Variants in ZNF577 observed in about 807,000 individuals in gnomAD.
ZNF577 encodes zinc finger protein 577.
A neutral mutation model predicts 13.9 loss-of-function variants in ZNF577; 14 were observed. That is an observed-to-expected ratio of 1.00 (90% CI 0.66 to 1.57). The LOEUF is 1.57. Ranked by LOEUF, ZNF577 falls within the 40% of genes most tolerant of loss-of-function variation. The pLI, the probability that ZNF577 is intolerant of heterozygous loss-of-function variation, is 0.00. For missense variants in ZNF577, 555 were observed against 579.2 expected, an observed-to-expected ratio of 0.96 and a Z score of 0.43; for synonymous variants, 203 against 202.9, an observed-to-expected ratio of 1.00 and a Z score of 0.00.
intron 3 of ZNF577, 182 bp from the exon 4 acceptor site, chr19:51,878,697 T>A: frequency 1.8e-6 from 1 of 567,980 alleles, no homozygotes; most frequent in Admixed American, 3.1e-5. Context: ...AAGGCAGTAC[T>A]AGCATAGATA....
chr19:51,877,477 T>C, intron 4 of ZNF577, 100 bp from the exon 5 acceptor site: 1 of 960,898 alleles, frequency 1.0e-6, no homozygotes, highest in Non-Finnish European at 1.6e-6. Context: ...TGCACTTTGA[T>C]AAAGCAAAAC....
chr19:51,806,541 G>A (rs994049121), intron 10 of ZNF577, among the ~76,000 whole-genome samples: 1 of 151,992 alleles, frequency 6.6e-6, no homozygotes, highest in Non-Finnish European at 1.5e-5. Flanking sequence ...CCCCCTTTTT[G>A]TCTTTTCAAC....
chr19:51,827,639 T>C (rs2084238864), intron 9 of ZNF577, among the ~76,000 whole-genome samples: 1 of 152,216 alleles, frequency 6.6e-6, no homozygotes, highest in African/African-American at 2.4e-5. Context: ...TCCACAGTAT[T>C]TGTAAATTCC....
At chr19:51,836,961 T>C (rs10404279) in intron 9 of ZNF577, among the ~76,000 whole-genome samples, 57,857 of 150,216 alleles carry the variant, frequency 0.39, 11,370 homozygotes, top group South Asian at 0.48. Flanking sequence ...GGAGAACTGC[T>C]TGAACCCAGG....
intron 5 of ZNF577, among the ~76,000 whole-genome samples, chr19:51,858,979 C>CTA (rs2084468237): frequency 2.0e-5 from 3 of 152,220 alleles, no homozygotes; most frequent in Admixed American, 2.0e-4. Context: ...CCCATACATA[C>CTA]TACGCAGATA....
intron 5 of ZNF577, among the ~76,000 whole-genome samples, chr19:51,849,874 T>C (rs1037849701): frequency 6.6e-6 from 1 of 152,236 alleles, no homozygotes; most frequent in Non-Finnish European, 1.5e-5. Flanking sequence ...TGGAATACTA[T>C]TCGTCAACAA....
chr19:51,824,774 T>C lies in ZNF577; in HGVS notation c.*600-13100A>G. 1 of 1,613,732 alleles carries C rather than the reference T, an allele frequency of 6.2e-7. No individual in the cohort carries two copies. Among genetic ancestry groups the C allele is most frequent in the East Asian group, 2.2e-5 (1 of 44,804 alleles). On this transcript the variant is annotated intron_variant and NMD_transcript_variant, in intron 9 of 10. Coordinates refer to the ZNF577 transcript ENST00000638827. This position sits in a 1 kb window ranked among gnomAD's most constrained non-coding sequence, Gnocchi z 4.7. ...CCAGCAACACAGACACCACTTCTGC[T>C]TCACCTCCTGAGGAGACGGAGTTAC...
chr19:51,883,266 C>T (rs1162520476), intron 1 of ZNF577, among the ~76,000 whole-genome samples: 1 of 151,970 alleles, frequency 6.6e-6, no homozygotes, highest in East Asian at 1.9e-4. Context: ...GCTGGGATTA[C>T]AGGTGTGAGC....
intron 9 of ZNF577, among the ~76,000 whole-genome samples, chr19:51,829,215 G>A (rs1370142364): frequency 6.6e-6 from 1 of 152,118 alleles, no homozygotes; most frequent in Non-Finnish European, 1.5e-5. Context: ...CTAGGGGACT[G>A]GGCAGCTCAC....
chr19:51,821,400 G>C (rs2084188121), intron 9 of ZNF577, among the ~76,000 whole-genome samples: 2 of 152,148 alleles, frequency 1.3e-5, no homozygotes, highest in African/African-American at 2.4e-5. Context: ...TCCTGAAGGG[G>C]GAGTTGCTAC....
chr19:51,876,438 A>C (rs1010112098), intron 5 of ZNF577, among the ~76,000 whole-genome samples: 1 of 151,724 alleles, frequency 6.6e-6, no homozygotes, highest in Non-Finnish European at 1.5e-5. Context: ...TTCTACCAGG[A>C]GAATCAGCAG....
At chr19:51,823,664 C>A in intron 9 of ZNF577, 4 of 1,128,250 alleles carry the variant, frequency 3.5e-6, no homozygotes, top group Non-Finnish European at 5.0e-6. Flanking sequence ...GGAGGAGCTA[C>A]AGTGGAAGTT....
intron 6 of ZNF577, among the ~76,000 whole-genome samples, chr19:51,844,035 T>C (rs916253155): frequency 8.1e-5 from 12 of 148,630 alleles, no homozygotes; most frequent in Non-Finnish European, 1.5e-4. Flanking sequence ...CTTAAGATAC[T>C]CGATAGCCAC....
chr19:51,857,983 C>G (rs2084455777), intron 5 of ZNF577, among the ~76,000 whole-genome samples: 2 of 151,992 alleles, frequency 1.3e-5, no homozygotes, highest in African/African-American at 4.8e-5. Context: ...GTCTGGCCTG[C>G]TTTTAGTCTT....
At position 51,824,231 on chromosome 19, in the gene ZNF577, C is replaced by T. The variant is rs755235128; in HGVS notation, c.*600-12557G>A. The T allele has an allele frequency of 2.1e-5, 34 of 1,614,044 alleles. No homozygotes were observed. Among genetic ancestry groups the T allele is most frequent in the Non-Finnish European group, 2.7e-5 (32 of 1,180,016 alleles). On this transcript the variant is annotated intron_variant and NMD_transcript_variant, in intron 9 of 10. Transcript: ENST00000638827. The surrounding 1 kb of genome is among the most constrained non-coding windows in gnomAD (Gnocchi z 4.7). ...CCATAGTCCTTACCTTACCAAATTTCATCTTCTGGACTACAATAAGTACTA... is the reference window on the plus strand; with the variant it reads ...CCATAGTCCTTACCTTACCAAATTTTATCTTCTGGACTACAATAAGTACTA...
chr19:51,847,780 T>C (rs2084360429), intron 5 of ZNF577, among the ~76,000 whole-genome samples: 1 of 152,192 alleles, frequency 6.6e-6, no homozygotes, highest in Non-Finnish European at 1.5e-5. Context: ...CTAAGGGCTT[T>C]AGGCAGAGTC....
At chr19:51,814,644 C>A (rs2084121315) in intron 9 of ZNF577, among the ~76,000 whole-genome samples, 1 of 151,998 alleles carries the variant, frequency 6.6e-6, no homozygotes, top group Non-Finnish European at 1.5e-5. Flanking sequence ...CAGGCATGTG[C>A]CATTCTGCTG....
chr19:51,837,816 C>T (rs1433698442), intron 9 of ZNF577, among the ~76,000 whole-genome samples: 15 of 152,156 alleles, frequency 9.9e-5, no homozygotes, highest in Admixed American at 9.8e-4. Context: ...AGTCCATTTT[C>T]ATTTATAAGT....
At chr19:51,845,220 C>T (rs1262202456) in intron 5 of ZNF577, among the ~76,000 whole-genome samples, 1 of 152,114 alleles carries the variant, frequency 6.6e-6, no homozygotes, top group African/African-American at 2.4e-5. Flanking sequence ...CTTGGCCGGG[C>T]ACGGTGGCTC....
Sources: allele counts gnomAD v4.1 joint callset (sites outside exome capture counted in the v4.1 genomes callset), GRCh38; gene constraint gnomAD v4.1.1; non-coding constraint Gnocchi (gnomAD v3.1); transcripts MANE v1.5; gene names NCBI Gene and HGNC (gene_info 2026-07-23, HGNC 2026-07-21).